LRRC37A2: variants seen among roughly 807,000 people sequenced by gnomAD.
The protein encoded by LRRC37A2 is leucine-rich repeat-containing protein 37A2.
A neutral mutation model predicts 68.8 loss-of-function variants in LRRC37A2; 9 were observed. That is an observed-to-expected ratio of 0.13 (90% confidence interval 0.08 to 0.23). The LOEUF (loss-of-function observed/expected upper bound fraction) is 0.23. Ranked by LOEUF, LRRC37A2 falls within the 10% of genes least tolerant of loss-of-function variation. The pLI is 1.00. For synonymous variants in LRRC37A2, 63 were observed against 367.6 expected (o/e 0.17, Z 9.48); for missense variants, 168 against 950.4 (o/e 0.18, Z 10.82).
the LRRC37A2 span, among the ~76,000 whole-genome samples, chr17:46,416,934 C>T: frequency 8.7e-5 from 6 of 68,636 alleles, 1 homozygote; most frequent in African/African-American, 2.0e-4. Flanking sequence ...CCTGTCTCTA[C>T]TAAAAATGCA....
the LRRC37A2 span, among the ~76,000 whole-genome samples, chr17:46,743,218 G>T: frequency 3.3e-5 from 5 of 152,128 alleles, no homozygotes; most frequent in African/African-American, 4.8e-5. Flanking sequence ...GTCATTTGCT[G>T]CCAGTGCCCT....
chr17:46,843,349 C>T, the LRRC37A2 span, among the ~76,000 whole-genome samples: 1 of 152,242 alleles, frequency 6.6e-6, no homozygotes, highest in South Asian at 2.1e-4. Context: ...TAATGACAAC[C>T]AGTGGGAAAA....
chr17:46,819,340 C>T, the LRRC37A2 span, among the ~76,000 whole-genome samples: 2 of 152,146 alleles, frequency 1.3e-5, no homozygotes, highest in Admixed American at 6.5e-5. The surrounding 1 kb of genome is among the most constrained non-coding windows in gnomAD (Gnocchi z 5.3). Flanking sequence ...GGGGACGGAG[C>T]CGAGTGTCAT....
the LRRC37A2 span, among the ~76,000 whole-genome samples, chr17:46,839,919 T>C: frequency 1.3e-5 from 1 of 76,108 alleles, no homozygotes; most frequent in African/African-American, 5.3e-5. Flanking sequence ...CTCTTTTCTT[T>C]CTTTCTTTCT....
the LRRC37A2 span, among the ~76,000 whole-genome samples, chr17:46,946,630 A>G: frequency 6.6e-6 from 1 of 152,158 alleles, no homozygotes; most frequent in Non-Finnish European, 1.5e-5. Flanking sequence ...TGGGAGGCCA[A>G]AGCAGGTGGA....
chr17:46,800,837 C>T, the LRRC37A2 span, among the ~76,000 whole-genome samples: 1 of 152,148 alleles, frequency 6.6e-6, no homozygotes, highest in Non-Finnish European at 1.5e-5. Flanking sequence ...AGGGCCTTTG[C>T]TGGGGCCGCG....
At chr17:46,805,281 A>G in the LRRC37A2 span, among the ~76,000 whole-genome samples, 1 of 152,112 alleles carries the variant, frequency 6.6e-6, no homozygotes, top group African/African-American at 2.4e-5. Context: ...CTACAAAAAA[A>G]AAGAAAAAAG....
chr17:46,744,500 A>G, the LRRC37A2 span, among the ~76,000 whole-genome samples: 2 of 152,206 alleles, frequency 1.3e-5, no homozygotes, highest in African/African-American at 2.4e-5. Flanking sequence ...CTTGCTCAGC[A>G]TTGAATGATA....
the LRRC37A2 span, chr17:46,940,408 G>T: frequency 6.3e-7 from 1 of 1,585,754 alleles, no homozygotes; most frequent in South Asian, 1.1e-5. Flanking sequence ...AGCATCTTTA[G>T]ACCTAGATCT....
At chr17:46,458,636 G>A in the LRRC37A2 span, among the ~76,000 whole-genome samples, 2 of 84,470 alleles carry the variant, frequency 2.4e-5, no homozygotes, top group Admixed American at 1.2e-4. Context: ...CCGCCTCCCA[G>A]GTTCAAGCAA....
At chr17:46,539,640 GTAA>G (rs2054909994) in intron 6 of LRRC37A2, among the ~76,000 whole-genome samples, 1 of 136,498 alleles carries the variant, frequency 7.3e-6, no homozygotes, top group Non-Finnish European at 1.6e-5. Context: ...GTGGGTGCCT[GTAA>G]TCCCAGCTAC....
At chr17:47,007,379 A>C in the LRRC37A2 span, among the ~76,000 whole-genome samples, 1 of 152,084 alleles carries the variant, frequency 6.6e-6, no homozygotes, top group Non-Finnish European at 1.5e-5. Context: ...AGGTTTCACC[A>C]TGTTGGCCAG....
chr17:46,864,989 A>G, the LRRC37A2 span, among the ~76,000 whole-genome samples: 2 of 152,178 alleles, frequency 1.3e-5, no homozygotes, highest in Admixed American at 1.3e-4. Context: ...GACTCAGCCT[A>G]GGAACTGGGG....
the LRRC37A2 span, among the ~76,000 whole-genome samples, chr17:46,929,001 G>A: frequency 1.3e-5 from 2 of 151,798 alleles, no homozygotes; most frequent in South Asian, 2.1e-4. Context: ...TGCTTTTCTC[G>A]TGAATCTTCC....
At chr17:46,717,604 C>T in the LRRC37A2 span, among the ~76,000 whole-genome samples, 2 of 152,102 alleles carry the variant, frequency 1.3e-5, no homozygotes, top group Non-Finnish European at 2.9e-5. Context: ...GCCAGCTACT[C>T]AGGAGGCTGA....
chr17:46,890,937 T>G, the LRRC37A2 span, among the ~76,000 whole-genome samples: 1 of 152,172 alleles, frequency 6.6e-6, no homozygotes, highest in Non-Finnish European at 1.5e-5. Flanking sequence ...TAATTTCCAT[T>G]AACAGCCCCT....
At chr17:46,739,863 T>A in the LRRC37A2 span, among the ~76,000 whole-genome samples, 1 of 152,128 alleles carries the variant, frequency 6.6e-6, no homozygotes, top group African/African-American at 2.4e-5. Flanking sequence ...CACACCCAGA[T>A]AATTTTTTGT....
At chr17:46,848,587 C>T in the LRRC37A2 span, among the ~76,000 whole-genome samples, 4 of 152,354 alleles carry the variant, frequency 2.6e-5, no homozygotes, top group East Asian at 1.9e-4. Flanking sequence ...TTTTCACTGC[C>T]GTCTCCCCCT....
chr17:46,725,906 ATTC>A, the LRRC37A2 span, among the ~76,000 whole-genome samples: 19 of 152,290 alleles, frequency 1.2e-4, no homozygotes, highest in African/African-American at 4.3e-4. Context: ...AGATAAGCTA[ATTC>A]TTCTATCTGA....
Sources: gnomAD v4.1 joint callset for allele counts (sites outside exome capture counted in the v4.1 genomes callset) on GRCh38, gnomAD v4.1.1 for gene constraint, Gnocchi (gnomAD v3.1) non-coding constraint, MANE v1.5 for transcripts, NCBI Gene and HGNC (gene_info 2026-07-23, HGNC 2026-07-21) for gene names.